Variants in SEMA6C observed in about 807,000 individuals in gnomAD.
SEMA6C encodes semaphorin-6C.
A neutral mutation model predicts 72.9 loss-of-function variants in SEMA6C; 37 were observed. That is an observed-to-expected ratio of 0.51 (90% confidence interval 0.39 to 0.67). The LOEUF is 0.67. Ranked by LOEUF, SEMA6C falls within the 30% of genes least tolerant of loss-of-function variation. SEMA6C has a pLI of 0.00. For synonymous variants in SEMA6C, 578 were observed against 554.1 expected (o/e 1.04, Z -0.61); for missense variants, 1,189 against 1,263.6 (o/e 0.94, Z 0.89).
chr1:151,134,699 T>G (rs202241164), intron 16 of SEMA6C, 24 bp from the exon 17 acceptor site: 3 of 1,613,862 alleles, frequency 1.9e-6, no homozygotes, highest in Non-Finnish European at 2.5e-6. Context: ...GAAGTGGCTA[T>G]AGAATTCTGT....
At position 151,145,428 on chromosome 1, in the gene SEMA6C, A is replaced by C. The variant is rs1033312550; in HGVS notation, c.-104-994T>G. 11 of 152,704 alleles carry C rather than the reference A, an allele frequency of 7.2e-5. No homozygotes were observed. The highest frequency in any genetic ancestry group is 2.2e-4 in the African/African-American group (9 of 41,588). The allele number at this position is 152,704 out of a possible 1,614,324, so 9.5% of individuals were successfully genotyped here. On this transcript the variant is annotated intron_variant, in intron 1 of 18. Transcript: ENST00000368914. The surrounding 1 kb of genome is among the most constrained non-coding windows in gnomAD (Gnocchi z 4.4). ...TGGAACCGGAGCTTTCCTTTCTCCA[A>C]GCCATTTCCCCCACTCTTAGCTCTT...
chr1:151,142,769 G>C, intron 2 of SEMA6C, 94 bp from the exon 3 acceptor site: 1 of 618,730 alleles, frequency 1.6e-6, no homozygotes, highest in Non-Finnish European at 2.8e-6. Flanking sequence ...ATCCCCAGAA[G>C]ACCCTGTGGG....
Position 151,137,977 on chromosome 1 carries a change from C to T in SEMA6C, c.667+9G>A, listed in dbSNP as rs200574989. The stretch of plus-strand genomic sequence containing the variant: ...AATAACAGTCTCCTTTCCCCAGGCC[C>T]GCCCTGACCTCGGAGCCACTTGGAG... On this transcript the variant is annotated intron_variant, in intron 9 of 18. Transcript: ENST00000368914. 7.2e-4 allele frequency: 1,167 copies of T among 1,612,860 alleles called. 2 individuals are homozygous for T. The highest frequency in any genetic ancestry group is 9.3e-4 in the Non-Finnish European group (1,102 of 1,179,308).
Position 151,132,896 on chromosome 1 carries a change from G to A in SEMA6C, c.2381C>T (p.Ala794Val), listed in dbSNP as rs1223453100. 4 of 1,325,998 alleles carry A rather than the reference G, an allele frequency of 3.0e-6. No homozygotes were observed. Among genetic ancestry groups the A allele is most frequent in the African/African-American group, 3.2e-5 (2 of 62,644 alleles). The allele number at this position is 1,325,998 out of a possible 1,614,324, so 82.1% of individuals were successfully genotyped here. The change falls in exon 19 of 19, where the codon GCG becomes GTG. Residue 794 changes from alanine to valine, a missense_variant. Physicochemically the swap from Ala to Val is moderately conservative, Grantham distance 64. Around this residue, in one of 2 missense-constraint regions of SEMA6C, gnomAD observed 721 missense variants for 686.2 expected, o/e 1.05. Transcript: ENST00000368914. ...AEPPAPLTSR[A>V]LPPEPAPALL... is the part of the protein sequence containing the mutation. ...GGCGGGGGCGGGCTCCGGCGGGAGC[G>A]CCCGCGAGGTTAAAGGGGCGGGGGG...
intron 2 of SEMA6C, among the ~76,000 whole-genome samples, chr1:151,144,132 C>A (rs899962262): frequency 1.3e-5 from 2 of 152,082 alleles, no homozygotes; most frequent in Non-Finnish European, 2.9e-5. Context: ...CTGGGCCTTC[C>A]TCCCTCCCCC....
chr1:151,135,169 C>A lies in SEMA6C; in HGVS notation c.1574G>T (p.Cys525Phe). ...GGCCTCAGGCCCCTCTCACCTCTGA[C>A]AGGCCCCATGCCGGGCACACCGGCT... Reference protein sequence around the residue: ...PLSRCARHGACQRSCLASQDP... With the variant: ...PLSRCARHGAFQRSCLASQDP... Residue 525 changes from cysteine (C) to phenylalanine (F), a missense_variant, in exon 15 of 19, where the codon TGT becomes TTT. Physicochemically the swap from Cys to Phe is radical, Grantham distance 205. Transcript: ENST00000368914. 3 of 1,613,774 alleles carry A rather than the reference C, an allele frequency of 1.9e-6. No individual in the cohort carries two copies. The South Asian group carries it at 3.3e-5, about 18-fold the overall frequency.
intron 4 of SEMA6C, 88 bp downstream of exon 4, chr1:151,139,888 C>A: frequency 7.5e-7 from 1 of 1,337,894 alleles, no homozygotes; most frequent in African/African-American, 1.5e-5. Flanking sequence ...GCATGTGTCC[C>A]CTGCAAGATG....
Position 151,145,735 on chromosome 1 carries a change from A to C in SEMA6C, c.-105+698T>G, listed in dbSNP as rs950473961. 1 of 152,768 alleles carries C rather than the reference A, an allele frequency of 6.5e-6. No individual in the cohort carries two copies. The highest frequency in any genetic ancestry group is 1.5e-5 in the Non-Finnish European group (1 of 68,490). 9.5% of individuals were successfully genotyped at this position (152,768 alleles called of 1,614,324 possible). ...CGGAGGCGGGTCTCCCAGGCCAGGG[A>C]AACAGGGCCAGAGGCTGAGAACCGA... On this transcript the variant is annotated intron_variant, in intron 1 of 18. Coordinates refer to ENST00000368914, the MANE Select transcript of SEMA6C (RefSeq NM_030913.6). This position sits in a 1 kb window ranked among gnomAD's most constrained non-coding sequence, Gnocchi z 4.4.
Position 151,138,633 on chromosome 1 carries a change from A to T in SEMA6C, c.453T>A (p.Tyr151Ter). 1 of 1,613,614 alleles carries T rather than the reference A, an allele frequency of 6.2e-7. No individual in the cohort carries two copies. The highest frequency in any genetic ancestry group is 8.5e-7 in the Non-Finnish European group (1 of 1,179,588). The change falls in exon 7 of 19, where the codon TAT becomes TAA. Residue 151 changes from tyrosine (Y) to a stop codon, truncating the protein, a stop_gained. Transcript: ENST00000368914. LOFTEE classifies it high-confidence loss of function. ...ACCCCCACCCTCTCTTTTGTACCCC[A>T]TAGCTGCGGCACACAGGGCTGAATG... ...TNSFSPVCRS[Y>*]GITSLQQEGE...
rs1681683860 is a variant in SEMA6C at position 151,132,931 on chromosome 1, C to T, written c.2346G>A (p.Lys782=). 2.2e-6 allele frequency: 3 copies of T among 1,395,270 alleles called. No homozygotes were observed. The highest frequency in any genetic ancestry group is 3.1e-5 in the African/African-American group (2 of 64,482). The allele number at this position is 1,395,270 out of a possible 1,614,324, so 86.4% of individuals were successfully genotyped here. A position where few individuals can be genotyped will look rare whatever the true frequency, so the allele number is the denominator to read the frequency against. The part of the protein sequence containing the change: ...RYLHGPQPPR[K]GAEPPAPLTS... ...TTAAAGGGGCGGGGGGCTCGGCCCC[C>T]TTTCTGGGCGGCTGCGGGCCGTGCA... The change falls in exon 19 of 19, where the codon AAG becomes AAA. Residue 782 remains lysine (K), a synonymous_variant. Coordinates refer to ENST00000368914, the MANE Select transcript of SEMA6C (RefSeq NM_030913.6).
rs1204739282 is a variant in SEMA6C, at chr1:151,133,559, G to A, written c.1760-42C>T. On this transcript the variant is annotated intron_variant, in intron 18 of 18. Transcript: ENST00000368914. The surrounding 1 kb of genome is among the most constrained non-coding windows in gnomAD (Gnocchi z 5.9). The stretch of plus-strand genomic sequence containing the variant: ...AGGAGGGAGGCTCAGCCAAGGGGAG[G>A]CGGTGCGGGGTACCTAGGCCCAGAG... 8.2e-6 allele frequency: 12 copies of A among 1,464,440 alleles called. No homozygotes were observed. Among genetic ancestry groups the A allele is most frequent in the Non-Finnish European group, 9.9e-6 (11 of 1,111,774 alleles). 90.7% of individuals were successfully genotyped at this position (1,464,440 alleles called of 1,614,324 possible).
At chr1:151,143,640 G>A (rs751292128) in intron 2 of SEMA6C, among the ~76,000 whole-genome samples, 86 of 152,272 alleles carry the variant, frequency 5.6e-4, no homozygotes, top group Non-Finnish European at 9.6e-4. Context: ...CAAAGTCCAG[G>A]AAAAGATGGA....
rs1377130541 is a variant in SEMA6C, at chr1:151,139,989, G to C, written c.220C>G (p.Leu74Val). Reference protein sequence around the residue: ...QRFLTLNRTLLVAARDHVFSF... With the variant: ...QRFLTLNRTLVVAARDHVFSF... The stretch of plus-strand genomic sequence containing the variant: ...CGGCCAGTTTACCGGGCAGCCACTA[G>C]CAAGGTCCGGTTCAAGGTCAGGAAT... Residue 74 changes from leucine to valine, a missense_variant, in exon 4 of 19, where the codon CTA becomes GTA. Coordinates refer to ENST00000368914, the MANE Select transcript of SEMA6C (RefSeq NM_030913.6). 4 of 1,613,954 alleles carry C rather than the reference G, an allele frequency of 2.5e-6. No homozygotes were observed. In the Admixed American group the frequency reaches 6.7e-5, roughly 27 times the overall value.
chr1:151,140,112 G>C, intron 3 of SEMA6C, 22 bp from the exon 4 acceptor site: 2 of 1,593,528 alleles, frequency 1.3e-6, no homozygotes, highest in Non-Finnish European at 1.7e-6. Flanking sequence ...AGAGAGATAG[G>C]ATTCTGAGGA....
At position 151,138,376 on chromosome 1, in the gene SEMA6C, G is replaced by T; in HGVS notation, c.487C>A (p.Leu163Met). Residue 163 changes from leucine (L) to methionine (M), a missense_variant, in exon 8 of 19, where the codon CTG (leucine) becomes ATG (methionine). Leu to Met is a conservative substitution (Grantham distance 15, BLOSUM62 2). Coordinates refer to ENST00000368914, the MANE Select transcript of SEMA6C (RefSeq NM_030913.6). ...AAGGGGCATCGAGCCTGCCCACTCA[G>T]TTCCTCACCCTCCTGCTGCAGCGAA... ...ITSLQQEGEE[L>M]SGQARCPFDA... The T allele has an allele frequency of 1.2e-6, 2 of 1,614,012 alleles. No individual in the cohort carries two copies. The highest frequency in any genetic ancestry group is 1.3e-5 in the African/African-American group (1 of 75,068).
intron 6 of SEMA6C, among the ~76,000 whole-genome samples, chr1:151,139,186 C>T (rs897688759): frequency 7.9e-5 from 12 of 152,180 alleles, no homozygotes; most frequent in African/African-American, 2.9e-4. Flanking sequence ...CCCAAATAAG[C>T]TGTTTGCTGG....
Position 151,132,958 on chromosome 1 carries a change from G to A in SEMA6C, c.2319C>T (p.Tyr773=). ...TTCTGGGCGGCTGCGGGCCGTGCAG[G>A]TAGCGCAGCAGTTCCTCCAGGGTGG... ...EVTTLEELLR[Y]LHGPQPPRKG... The change falls in exon 19 of 19, where the codon TAC becomes TAT. Residue 773 remains tyrosine (Y), a synonymous_variant. Transcript: ENST00000368914. The A allele has an allele frequency of 1.4e-6, 2 of 1,412,722 alleles. No homozygotes were observed. The highest frequency in any genetic ancestry group is 1.5e-5 in the African/African-American group (1 of 65,394). 87.5% of individuals were successfully genotyped at this position (1,412,722 alleles called of 1,614,324 possible).
chr1:151,132,728 C>T lies in SEMA6C; in HGVS notation c.2549G>A (p.Arg850Gln), dbSNP rs1157485144. The change falls in exon 19 of 19, where the codon CGG becomes CAG. Residue 850 changes from arginine to glutamine, a missense_variant. Physicochemically the swap from Arg to Gln is conservative, Grantham distance 43. Coordinates refer to ENST00000368914, the MANE Select transcript of SEMA6C (RefSeq NM_030913.6). ...PAPRLGVGGG[R>Q]RLPFSGHRAP... The stretch of plus-strand genomic sequence containing the variant: ...CCGGTGGCCGGAGAAAGGCAACCTC[C>T]GGCCTCCGCCGACGCCCAGCCGGGG... The T allele has an allele frequency of 1.2e-5, 18 of 1,466,268 alleles. No homozygotes were observed. The highest frequency in any genetic ancestry group is 2.6e-5 in the East Asian group (1 of 39,070). 90.8% of individuals were successfully genotyped at this position (1,466,268 alleles called of 1,614,324 possible). A position where few individuals can be genotyped will look rare whatever the true frequency, so the allele number is the denominator to read the frequency against.
In SEMA6C at chr1:151,135,246, C is replaced by T. The variant is rs748039560; in HGVS notation, c.1497G>A (p.Glu499=). 8 of 1,614,250 alleles carry T rather than the reference C, an allele frequency of 5.0e-6. No homozygotes were observed. Among genetic ancestry groups the T allele is most frequent in the Non-Finnish European group, 5.9e-6 (7 of 1,180,040 alleles). ...AAAAAGCCACAAAAAGCCTGTGACC[C>T]TCAGTGTCCAGCTCCAGCCCTATGA... ...RRIIGLELDT[E]GHRLFVAFSG... is the part of the protein sequence containing the mutation. Residue 499 remains glutamate (E), a synonymous_variant, in exon 15 of 19, where the codon GAG becomes GAA. Coordinates refer to ENST00000368914, the MANE Select transcript of SEMA6C (RefSeq NM_030913.6).
Sources: allele counts gnomAD v4.1 joint callset (sites outside exome capture counted in the v4.1 genomes callset), GRCh38; gene constraint gnomAD v4.1.1; regional missense constraint gnomAD v4.1.1; non-coding constraint Gnocchi (gnomAD v3.1); transcripts MANE v1.5; gene names NCBI Gene and HGNC (gene_info 2026-07-23, HGNC 2026-07-21).